The following MYT1 variants were observed in gnomAD, a reference collection of about 807,000 sequenced individuals.
The protein encoded by MYT1 is myelin transcription factor I.
In MYT1, 23 loss-of-function variants were observed where a neutral mutation model predicts 123.0. The observed-to-expected ratio is 0.19, with a 90% CI of 0.13 to 0.26. The LOEUF is 0.26. Among genes scored for constraint, MYT1 ranks in the 10% least tolerant of loss-of-function variants. MYT1 has a pLI of 1.00. For synonymous variants in MYT1, 518 were observed against 575.3 expected (o/e 0.90, Z 1.43); for missense variants, 1,125 against 1,472.5 (o/e 0.76, Z 3.86).
Position 64,219,835 on chromosome 20 carries a change from C to T in MYT1, c.2094C>T (p.Pro698=), listed in dbSNP as rs750068286. The change falls in exon 13 of 23, where the codon CCC becomes CCT. Residue 698 remains proline (P), a synonymous_variant. Coordinates refer to ENST00000328439, the MANE Select transcript of MYT1 (RefSeq NM_004535.3). ...GCAGCAGCCCCGGTGTGAAGTCTCC[C>T]GACGCCTCCCAGCGCCACAGCAGCA... ...SCSSSPGVKS[P]DASQRHSSTS... is the part of the protein sequence containing the mutation. 1.7e-5 allele frequency: 28 copies of T among 1,611,698 alleles called. No homozygotes were observed. Among genetic ancestry groups the T allele is most frequent in the South Asian group, 7.7e-5 (7 of 90,642 alleles).
At chr20:64,195,406 T>TTTTTTC (rs1483025593) in intron 2 of MYT1, among the ~76,000 whole-genome samples, 1 of 138,900 alleles carries the variant, frequency 7.2e-6, no homozygotes, top group African/African-American at 2.6e-5. Flanking sequence ...GTATACTTTT[T>TTTTTTC]TTTTTTTGAG....
Position 64,218,848 on chromosome 20 carries a change from C to A in MYT1, c.1847-63C>A, listed in dbSNP as rs766190454. 1.9e-6 allele frequency: 3 copies of A among 1,609,446 alleles called. No homozygotes were observed. The highest frequency in any genetic ancestry group is 1.7e-4 in the Middle Eastern group (1 of 6,060). On this transcript the variant is annotated intron_variant, in intron 11 of 22. Transcript: ENST00000328439. The surrounding 1 kb of genome is among the most constrained non-coding windows in gnomAD (Gnocchi z 4.0). ...TTTGCAGCCAAACCTTTCCCAAAGGCCTCTTCCCCCAGGCACAGCCCCTCC... is the reference window on the plus strand; with the variant it reads ...TTTGCAGCCAAACCTTTCCCAAAGGACTCTTCCCCCAGGCACAGCCCCTCC...
chr20:64,223,002 G>A, intron 14 of MYT1, 109 bp from the exon 15 acceptor site: 1 of 1,269,418 alleles, frequency 7.9e-7, no homozygotes, highest in South Asian at 1.2e-5. Flanking sequence ...CCACCGCTTG[G>A]CTCGCGGGTG....
At chr20:64,172,348 A>G (rs1381315052) in intron 1 of MYT1, among the ~76,000 whole-genome samples, 2 of 152,208 alleles carry the variant, frequency 1.3e-5, no homozygotes, top group Non-Finnish European at 2.9e-5. Context: ...GAAGGAAAAC[A>G]GAACTGTTGT....
chr20:64,176,471 C>T (rs1368452503), intron 1 of MYT1, among the ~76,000 whole-genome samples: 2 of 152,282 alleles, frequency 1.3e-5, no homozygotes, highest in African/African-American at 4.8e-5. Context: ...TGTCCATTTC[C>T]CCTCCCTGGC....
At position 64,186,968 on chromosome 20, in the gene MYT1, C is replaced by T. The variant is rs1293053881; in HGVS notation, c.-98-3095C>T. 1.2e-4 allele frequency among the ~76,000 whole-genome samples: 17 copies of T among 145,390 alleles called. No individual in the cohort carries two copies. Among genetic ancestry groups the T allele is most frequent in the African/African-American group, 3.6e-4 (14 of 38,680 alleles). On this transcript the variant is annotated intron_variant, in intron 1 of 22. Coordinates refer to ENST00000328439, the MANE Select transcript of MYT1 (RefSeq NM_004535.3). The surrounding 1 kb of genome is among the most constrained non-coding windows in gnomAD (Gnocchi z 4.3). ...CACGTGGCTCCGGCATCCACGTTTCCGTGGAGAGTTTTCCTGTAGCCTGTG... is the reference window on the plus strand; with the variant it reads ...CACGTGGCTCCGGCATCCACGTTTCTGTGGAGAGTTTTCCTGTAGCCTGTG...
intron 1 of MYT1, among the ~76,000 whole-genome samples, chr20:64,169,088 C>A (rs932267271): frequency 4.6e-5 from 7 of 152,166 alleles, no homozygotes; most frequent in African/African-American, 1.7e-4. Flanking sequence ...TGGGTCAAGG[C>A]GGTTGGAGCC....
At chr20:64,183,953 T>C (rs1982726251) in intron 1 of MYT1, among the ~76,000 whole-genome samples, 1 of 152,120 alleles carries the variant, frequency 6.6e-6, no homozygotes, top group South Asian at 2.1e-4. Flanking sequence ...CCTAAGTAGC[T>C]GGGATTACAG....
At position 64,237,554 on chromosome 20, in the gene MYT1, C is replaced by T. The variant is rs192318496; in HGVS notation, c.3093+164C>T. On this transcript the variant is annotated intron_variant, in intron 21 of 22. Transcript: ENST00000328439. ...ACAGGCACACTTAGGACGTGCTGGC[C>T]GCTCACAATGCGGAGTCCGTGAAGT... Among the ~76,000 whole-genome samples the T allele has an allele frequency of 2.6e-4, 39 of 152,314 alleles. No homozygotes were observed. In the East Asian group the frequency reaches 5.2e-3, roughly 20 times the overall value.
At chr20:64,187,045 G>A (rs1445324826) in intron 1 of MYT1, among the ~76,000 whole-genome samples, 83 of 147,618 alleles carry the variant, frequency 5.6e-4, no homozygotes, top group African/African-American at 1.9e-3. Flanking sequence ...CGTGGCCCCG[G>A]CATCCACGTT....
At position 64,231,921 on chromosome 20, in the gene MYT1, C is replaced by A. The variant is rs571672822; in HGVS notation, c.2676-243C>A. ...CACGGAAAGAAGGTGGCTGTGGAGACCCCAGTCATGCAGGGGCTGTGAGGC... is the reference window on the plus strand; with the variant it reads ...CACGGAAAGAAGGTGGCTGTGGAGAACCCAGTCATGCAGGGGCTGTGAGGC... On this transcript the variant is annotated intron_variant, in intron 18 of 22. Transcript: ENST00000328439. The surrounding 1 kb of genome is among the most constrained non-coding windows in gnomAD (Gnocchi z 6.4). Among the ~76,000 whole-genome samples the A allele has an allele frequency of 6.6e-6, 1 of 152,316 alleles. No homozygotes were observed. The highest frequency in any genetic ancestry group is 2.4e-5 in the African/African-American group (1 of 41,574).
chr20:64,225,130 A>G (rs1489910343), intron 16 of MYT1, among the ~76,000 whole-genome samples: 2 of 152,156 alleles, frequency 1.3e-5, no homozygotes, highest in African/African-American at 4.8e-5. Context: ...GGGCCTTTCC[A>G]TGGGAGGCCA....
intron 2 of MYT1, among the ~76,000 whole-genome samples, chr20:64,197,091 C>T (rs568166391): frequency 4.6e-5 from 7 of 152,316 alleles, no homozygotes; most frequent in South Asian, 4.1e-4. Flanking sequence ...GGGGAACCTC[C>T]GCTTTAAAAA....
intron 4 of MYT1, among the ~76,000 whole-genome samples, chr20:64,201,690 G>C (rs1190567579): frequency 1.3e-5 from 2 of 152,208 alleles, no homozygotes; most frequent in Non-Finnish European, 2.9e-5. Context: ...CCCTCCCAGA[G>C]ACCTGTTTAC....
Position 64,167,862 on chromosome 20 carries a change from G to A in MYT1, c.-99+3123G>A, listed in dbSNP as rs1982129340. Among the ~76,000 whole-genome samples, 1 of 152,238 alleles carries A rather than the reference G, an allele frequency of 6.6e-6. No homozygotes were observed. The highest frequency in any genetic ancestry group is 2.1e-4 in the South Asian group (1 of 4,832). On this transcript the variant is annotated intron_variant, in intron 1 of 22. Coordinates refer to ENST00000328439, the MANE Select transcript of MYT1 (RefSeq NM_004535.3). The surrounding 1 kb of genome is among the most constrained non-coding windows in gnomAD (Gnocchi z 6.3). ...GGAATGTTGTGGTGTGAGTTTACAG[G>A]AAAATGGTCTTTGGGAACCAGCATC...
rs1982796450 is a variant in MYT1 at position 64,186,211 on chromosome 20, C to T, written c.-98-3852C>T. On this transcript the variant is annotated intron_variant, in intron 1 of 22. Coordinates refer to ENST00000328439, the MANE Select transcript of MYT1 (RefSeq NM_004535.3). This position sits in a 1 kb window ranked among gnomAD's most constrained non-coding sequence, Gnocchi z 4.3. ...ACCATGGGGACAGATGTGGGGGTTA[C>T]CTTGAGCAGGCAGGACTCCAGGTGC... 6.6e-6 allele frequency among the ~76,000 whole-genome samples: 1 copy of T among 152,092 alleles called. No homozygotes were observed. Among genetic ancestry groups the T allele is most frequent in the South Asian group, 2.1e-4 (1 of 4,818 alleles).
At position 64,207,819 on chromosome 20, in the gene MYT1, A is replaced by G; in HGVS notation, c.623A>G (p.Glu208Gly). The change falls in exon 7 of 23, where the codon GAG becomes GGG. Residue 208 changes from glutamate (E) to glycine (G), a missense_variant. By Grantham distance (98) the Glu-to-Gly change is moderately conservative. Coordinates refer to ENST00000328439, the MANE Select transcript of MYT1 (RefSeq NM_004535.3). Reference sequence around the variant, plus strand: ...GAGGCTGCAGAGGGAGCTGCCAGCGAGGAGGGTGAAAAGGGCCTCTTCATC... The same window carrying G: ...GAGGCTGCAGAGGGAGCTGCCAGCGGGGAGGGTGAAAAGGGCCTCTTCATC... The part of the protein sequence containing the change: ...LQEAAEGAAS[E>G]EGEKGLFIQP... The G allele has an allele frequency of 1.9e-6, 3 of 1,613,688 alleles. No homozygotes were observed. In the East Asian group the frequency reaches 6.7e-5, roughly 36 times the overall value.
chr20:64,212,910 G>C lies in MYT1; in HGVS notation c.1518-624G>C, dbSNP rs554608405. 6.6e-6 allele frequency among the ~76,000 whole-genome samples: 1 copy of C among 152,320 alleles called. No individual in the cohort carries two copies. The highest frequency in any genetic ancestry group is 2.1e-4 in the South Asian group (1 of 4,822). ...AGCTGAAAGGACTGCCAGAGCTTTTGAGGTCACTTCATTTGAAAAGAGGCC... is the reference window on the plus strand; with the variant it reads ...AGCTGAAAGGACTGCCAGAGCTTTTCAGGTCACTTCATTTGAAAAGAGGCC... On this transcript the variant is annotated intron_variant, in intron 9 of 22. Transcript: ENST00000328439. This position sits in a 1 kb window ranked among gnomAD's most constrained non-coding sequence, Gnocchi z 6.8.
chr20:64,228,967 C>T lies in MYT1; in HGVS notation c.2675+996C>T, dbSNP rs1017860482. On this transcript the variant is annotated intron_variant, in intron 18 of 22. Transcript: ENST00000328439. ...CTGGGCCAAGAGCAGCCAGACCTCA[C>T]GCCCGGGGAGGGGCAACTTGGCCTG... Among the ~76,000 whole-genome samples, 10 of 152,210 alleles carry T rather than the reference C, an allele frequency of 6.6e-5. No individual in the cohort carries two copies. In the East Asian group the frequency reaches 9.6e-4, roughly 15 times the overall value.
Sources: allele counts gnomAD v4.1 joint callset (sites outside exome capture counted in the v4.1 genomes callset), GRCh38; gene constraint gnomAD v4.1.1; non-coding constraint Gnocchi (gnomAD v3.1); transcripts MANE v1.5; gene names NCBI Gene and HGNC (gene_info 2026-07-23, HGNC 2026-07-21).